The following FBXO31 variants were observed in gnomAD, a reference collection of about 807,000 sequenced individuals.
The protein encoded by FBXO31 is F-box only protein 31.
In FBXO31, 24 loss-of-function variants were observed where a neutral mutation model predicts 54.4. That is an observed-to-expected ratio of 0.44 (90% CI 0.32 to 0.62). The LOEUF (loss-of-function observed/expected upper bound fraction) is 0.62. Ranked by LOEUF, FBXO31 falls within the 20% of genes least tolerant of loss-of-function variation. The pLI is 0.05. For missense variants in FBXO31, 665 were observed against 787.1 expected (o/e 0.84, Z 1.86); for synonymous variants, 388 against 335.6 (o/e 1.16, Z -1.71).
At chr16:87,347,378 T>G (rs1905436847) in intron 2 of FBXO31, 128 bp from the exon 3 acceptor site, 2 of 771,786 alleles carry the variant, frequency 2.6e-6, no homozygotes, top group Admixed American at 1.9e-5. Flanking sequence ...TCCAAACACA[T>G]GCACACCAAG....
rs959124296 is a variant in FBXO31 at position 87,383,045 on chromosome 16, C to A, written c.340+360G>T. On this transcript the variant is annotated intron_variant, in intron 1 of 8. Transcript: ENST00000311635. This position sits in a 1 kb window ranked among gnomAD's most constrained non-coding sequence, Gnocchi z 4.9. The stretch of plus-strand genomic sequence containing the variant: ...CGGCCCCCAGGCGTCAGCTTAGGCC[C>A]CGCGCAGACCTCGAGGGATCCCAGC... 2.6e-5 allele frequency among the ~76,000 whole-genome samples: 4 copies of A among 152,280 alleles called. No individual in the cohort carries two copies. In the East Asian group the frequency reaches 7.8e-4, roughly 30 times the overall value.
chr16:87,334,322 A>G (rs993486756), intron 7 of FBXO31, 36 bp from the exon 8 acceptor site: 1 of 1,431,766 alleles, frequency 7.0e-7, no homozygotes, highest in African/African-American at 1.4e-5. Context: ...GGCTCAGGCC[A>G]GCAGCAGCAG....
At chr16:87,349,989 A>G (rs1905576704) in intron 2 of FBXO31, among the ~76,000 whole-genome samples, 1 of 152,164 alleles carries the variant, frequency 6.6e-6, no homozygotes, top group Non-Finnish European at 1.5e-5. Flanking sequence ...GGAAACCTAA[A>G]GCTCACCAGT....
At chr16:87,352,086 G>C (rs1477145098) in intron 2 of FBXO31, among the ~76,000 whole-genome samples, 1 of 152,190 alleles carries the variant, frequency 6.6e-6, no homozygotes, top group Non-Finnish European at 1.5e-5. Flanking sequence ...TGACTGTGAT[G>C]TGTGGCCAAG....
intron 1 of FBXO31, among the ~76,000 whole-genome samples, chr16:87,371,115 T>C (rs1412321804): frequency 6.6e-6 from 1 of 152,134 alleles, no homozygotes; most frequent in Non-Finnish European, 1.5e-5. Context: ...CCCCTCAGGA[T>C]AGAATGGAAA....
chr16:87,379,577 G>C (rs945505079), intron 1 of FBXO31, among the ~76,000 whole-genome samples: 8 of 152,086 alleles, frequency 5.3e-5, no homozygotes, highest in Non-Finnish European at 8.8e-5. Flanking sequence ...CAGCTTCTCA[G>C]GGCTGCTCTC....
chr16:87,381,728 G>A (rs547598813), intron 1 of FBXO31, among the ~76,000 whole-genome samples: 4 of 152,142 alleles, frequency 2.6e-5, no homozygotes, highest in Non-Finnish European at 5.9e-5. Context: ...TCCCACTTGA[G>A]GAACTGCACC....
At chr16:87,382,997 C>G (rs1401329734) in intron 1 of FBXO31, among the ~76,000 whole-genome samples, 1 of 152,160 alleles carries the variant, frequency 6.6e-6, no homozygotes, top group East Asian at 1.9e-4. Flanking sequence ...CTCGGCTCGC[C>G]TTCAAGACAG....
intron 2 of FBXO31, among the ~76,000 whole-genome samples, chr16:87,357,950 C>G (rs1007018318): frequency 6.6e-6 from 1 of 151,824 alleles, no homozygotes; most frequent in African/African-American, 2.4e-5. Context: ...TTGCTACCTG[C>G]CTTTGTCTAT....
chr16:87,350,428 C>G (rs529113628), intron 2 of FBXO31, among the ~76,000 whole-genome samples: 52 of 152,300 alleles, frequency 3.4e-4, no homozygotes, highest in African/African-American at 1.3e-3. Context: ...TAGGAACAAT[C>G]CTGAGTCCAT....
intron 1 of FBXO31, among the ~76,000 whole-genome samples, chr16:87,380,445 G>A (rs185777394): frequency 3.3e-5 from 5 of 151,824 alleles, no homozygotes; most frequent in African/African-American, 7.3e-5. Context: ...TCTGTCACCC[G>A]GACTGGAGTG....
Position 87,335,646 on chromosome 16 carries a change from G to A in FBXO31, c.843-189C>T, listed in dbSNP as rs1905025143. Among the ~76,000 whole-genome samples, 1 of 152,162 alleles carries A rather than the reference G, an allele frequency of 6.6e-6. No individual in the cohort carries two copies. Among genetic ancestry groups the A allele is most frequent in the Non-Finnish European group, 1.5e-5 (1 of 68,006 alleles). On this transcript the variant is annotated intron_variant, in intron 6 of 8. Coordinates refer to ENST00000311635, the MANE Select transcript of FBXO31 (RefSeq NM_024735.5). This position sits in a 1 kb window ranked among gnomAD's most constrained non-coding sequence, Gnocchi z 5.7. ...GAGCCCTCACCCCCACCACCCACCA[G>A]CACGCACGCTTCCAACAGGACTTCT...
chr16:87,351,040 C>A (rs1905630797), intron 2 of FBXO31, among the ~76,000 whole-genome samples: 1 of 152,230 alleles, frequency 6.6e-6, no homozygotes, highest in Non-Finnish European at 1.5e-5. Flanking sequence ...TGACGGCCAC[C>A]AAAACCATCC....
At chr16:87,348,811 A>C (rs1653327570) in intron 2 of FBXO31, among the ~76,000 whole-genome samples, 1 of 152,218 alleles carries the variant, frequency 6.6e-6, no homozygotes, top group African/African-American at 2.4e-5. Context: ...CGCAGGGTGG[A>C]GAAGCAGGCC....
At chr16:87,333,030 G>A (rs1267152790) in intron 8 of FBXO31, among the ~76,000 whole-genome samples, 1 of 152,192 alleles carries the variant, frequency 6.6e-6, no homozygotes, top group African/African-American at 2.4e-5. Context: ...CTGGGCGGCT[G>A]AGGGCCTGGA....
intron 1 of FBXO31, among the ~76,000 whole-genome samples, chr16:87,363,837 ACAT>A (rs1205422560): frequency 7.6e-6 from 1 of 131,542 alleles, no homozygotes; most frequent in African/African-American, 2.8e-5. Context: ...TGGAGCAACA[ACAT>A]CTTCATTTTT....
chr16:87,357,909 T>G (rs1240889143), intron 2 of FBXO31, among the ~76,000 whole-genome samples: 1 of 150,904 alleles, frequency 6.6e-6, no homozygotes, highest in Non-Finnish European at 1.5e-5. Context: ...AGAGTGAGAC[T>G]CTGCCTCAAA....
At position 87,327,238 on chromosome 16, in the gene FBXO31, GC is replaced by G. The variant is rs1442719915; in HGVS notation, c.*4049del. 2 of 152,846 alleles carry G rather than the reference GC, an allele frequency of 1.3e-5. No homozygotes were observed. Among genetic ancestry groups the G allele is most frequent in the Admixed American group, 1.3e-4 (2 of 15,288 alleles). 9.5% of individuals were successfully genotyped at this position (152,846 alleles called of 1,614,324 possible). On this transcript the variant is annotated 3_prime_UTR_variant, in exon 9 of 9. Transcript: ENST00000311635. ...GCAGAATCAGGCCAAAACCCACACA[GC>G]CCTGACCCCCTCGTGCTCTGGCTGG...
chr16:87,344,893 GGCAGCGCCCATCCCTTCCCCA>G (rs1567617219), intron 3 of FBXO31, among the ~76,000 whole-genome samples: 30 of 151,316 alleles, frequency 2.0e-4, no homozygotes, highest in African/African-American at 6.1e-4. Flanking sequence ...CCCCACCTCC[GGCAGCGCCCATCCCTTCCCCA>G]AACCCCACCT....
Sources: allele counts gnomAD v4.1 joint callset (sites outside exome capture counted in the v4.1 genomes callset), GRCh38; gene constraint gnomAD v4.1.1; non-coding constraint Gnocchi (gnomAD v3.1); transcripts MANE v1.5; gene names NCBI Gene and HGNC (gene_info 2026-07-23, HGNC 2026-07-21).